The following ATM variants were observed in gnomAD, a reference collection of about 807,000 sequenced individuals.
ATM encodes the protein serine-protein kinase ATM.
ATM carries 308 observed loss-of-function variants against 387.0 expected under a neutral mutation model. The ratio of observed to expected loss-of-function variants is 0.80; its 90% CI spans 0.73 to 0.87. The LOEUF is 0.87. ATM is among the 40% of genes least tolerant of loss of function. ATM has a pLI of 0.00. For synonymous variants in ATM, 1,156 were observed against 1,187.3 expected (o/e 0.97, Z 0.54); for missense variants, 3,312 against 3,560.9 (o/e 0.93, Z 1.78).
chr11:108,249,125 T>C (rs1400362790), intron 9 of ATM, 23 bp downstream of exon 9: 1 of 1,612,662 alleles, frequency 6.2e-7, no homozygotes, highest in Non-Finnish European at 8.5e-7. Context: ...CATTTTCTCA[T>C]TCAGTGTCAT....
At chr11:108,267,744 C>T (rs1318885958) in intron 17 of ATM, among the ~76,000 whole-genome samples, 2 of 152,240 alleles carry the variant, frequency 1.3e-5, no homozygotes, top group Non-Finnish European at 2.9e-5. Context: ...GTAGTCCCAG[C>T]TACTCGGGAG....
In ATM at chr11:108,353,887, G is replaced by A. The variant is rs1555142923; in HGVS notation, c.8786+7G>A. The A allele has an allele frequency of 6.2e-7, 1 of 1,604,906 alleles. No individual in the cohort carries two copies. Among genetic ancestry groups the A allele is most frequent in the Non-Finnish European group, 8.5e-7 (1 of 1,171,726 alleles). ...TTGAAGGTGTCTTCAGAAGGTAAGT[G>A]ATATGAAGTAAAGGAGGGAAATAAT... On this transcript the variant is annotated splice_region_variant and intron_variant, in intron 60 of 62. Transcript: ENST00000675843.
chr11:108,321,820 G>A (rs1045415397), intron 45 of ATM, among the ~76,000 whole-genome samples: 2 of 151,924 alleles, frequency 1.3e-5, no homozygotes. Context: ...GACCAAATGT[G>A]TGTGTTTCTT....
intron 29 of ATM, 53 bp downstream of exon 29, chr11:108,289,854 CT>C: frequency 1.3e-6 from 2 of 1,546,322 alleles, no homozygotes; most frequent in East Asian, 2.3e-5. Context: ...CCTGTTCTTC[CT>C]GTTTTTTTGC....
At chr11:108,331,724 A>G (rs921884489) in intron 51 of ATM, among the ~76,000 whole-genome samples, 155 bp from the exon 52 acceptor site, 5 of 152,082 alleles carry the variant, frequency 3.3e-5, no homozygotes, top group African/African-American at 1.2e-4. Context: ...CTAATTCCTC[A>G]TAGGCCTCTG....
intron 8 of ATM, among the ~76,000 whole-genome samples, chr11:108,248,691 C>G (rs1344751772): frequency 1.3e-5 from 2 of 152,014 alleles, no homozygotes; most frequent in Non-Finnish European, 2.9e-5. Context: ...GAGTTCAAGA[C>G]CAGTCTGACC....
intron 61 of ATM, among the ~76,000 whole-genome samples, chr11:108,361,339 G>A (rs1275012678): frequency 1.3e-5 from 2 of 148,972 alleles, no homozygotes; most frequent in Non-Finnish European, 3.0e-5. Context: ...TCATGGGTAG[G>A]AAGAATCAAT....
intron 32 of ATM, 163 bp downstream of exon 32, chr11:108,295,222 T>G (rs963748520): frequency 4.9e-5 from 42 of 854,542 alleles, no homozygotes; most frequent in Non-Finnish European, 3.9e-5. Context: ...TCCTAACTGG[T>G]CTTCTCACCC....
intron 11 of ATM, among the ~76,000 whole-genome samples, chr11:108,252,466 G>C (rs577315689): frequency 2.2e-4 from 34 of 152,244 alleles, no homozygotes; most frequent in Non-Finnish European, 4.1e-4. Flanking sequence ...GGAGTCCCTC[G>C]TCCACTTAAC....
At chr11:108,239,254 G>C (rs2079443485) in intron 5 of ATM, among the ~76,000 whole-genome samples, 1 of 152,176 alleles carries the variant, frequency 6.6e-6, no homozygotes, top group East Asian at 1.9e-4. Flanking sequence ...GCCCCAAAGA[G>C]GGCCCTCACC....
At chr11:108,314,454 AT>A (rs10716099) in intron 40 of ATM, among the ~76,000 whole-genome samples, 79,288 of 148,376 alleles carry the variant, frequency 0.53, 21,375 homozygotes, top group Middle Eastern at 0.74. Flanking sequence ...TGTTTGTGTG[AT>A]TTTTTTTTTT....
At chr11:108,352,940 T>C (rs979815637) in intron 59 of ATM, among the ~76,000 whole-genome samples, 5 of 152,056 alleles carry the variant, frequency 3.3e-5, no homozygotes, top group Admixed American at 6.6e-5. Flanking sequence ...GGTGATAGGC[T>C]ATGGGAGGGA....
chr11:108,284,133 C>A (rs947112176), intron 25 of ATM, 94 bp from the exon 26 acceptor site: 1 of 930,420 alleles, frequency 1.1e-6, no homozygotes, highest in Non-Finnish European at 1.6e-6. Flanking sequence ...TACTTTAATG[C>A]TGATGGTATT....
intron 4 of ATM, chr11:108,229,924 C>G (rs1170212832): frequency 6.6e-6 from 1 of 152,528 alleles, no homozygotes; most frequent in Non-Finnish European, 1.5e-5. Context: ...CTCAAGCAGT[C>G]CTCCCCCTGC....
chr11:108,232,691 C>T (rs1452719000), intron 4 of ATM, among the ~76,000 whole-genome samples: 36 of 151,312 alleles, frequency 2.4e-4, no homozygotes, highest in East Asian at 5.8e-4. Flanking sequence ...AGGCACACGC[C>T]GCCAGGCCCG....
chr11:108,260,060 A>G lies in ATM; in HGVS notation c.2466+985A>G, dbSNP rs2080769797. Among the ~76,000 whole-genome samples the G allele has an allele frequency of 5.8e-5, 8 of 138,812 alleles. No homozygotes were observed. The Admixed American group carries it at 6.2e-4, about 11-fold the overall frequency. The allele number at this position is 138,812 out of a possible 152,430, so 91.1% of individuals were successfully genotyped here. A position where few individuals can be genotyped will look rare whatever the true frequency, so the allele number is the denominator to read the frequency against. On this transcript the variant is annotated intron_variant, in intron 16 of 62. Transcript: ENST00000675843. ...TTTTTTTTTTTTTTTTTTGAGACAA[A>G]GTCTTGCTCTGTTGCCCGGGCTGGA... is the stretch of plus-strand genomic sequence containing the variant.
intron 8 of ATM, among the ~76,000 whole-genome samples, chr11:108,248,300 A>C (rs1335392197): frequency 1.3e-5 from 2 of 152,178 alleles, no homozygotes; most frequent in Non-Finnish European, 2.9e-5. Flanking sequence ...AATATTTCTT[A>C]AAATTTCTTA....
In ATM at chr11:108,344,979, G is replaced by A. The variant is rs115617687; in HGVS notation, c.8419-764G>A. ...GATCACACCCCTGCACTCCAGTCCA[G>A]GTGACAGAGACCCTGTCACCCTGTC... On this transcript the variant is annotated intron_variant, in intron 57 of 62. Transcript: ENST00000675843. Among the ~76,000 whole-genome samples, 134 of 152,154 alleles carry A rather than the reference G, an allele frequency of 8.8e-4. 1 individual carries two copies. Among genetic ancestry groups the A allele is most frequent in the African/African-American group, 2.9e-3 (120 of 41,522 alleles).
In ATM at chr11:108,310,438, T is replaced by C. The variant is rs55933841; in HGVS notation, c.5918+123T>C. On this transcript the variant is annotated intron_variant, in intron 39 of 62. Coordinates refer to ENST00000675843, the MANE Select transcript of ATM (RefSeq NM_000051.4). ...TAAAAGATATTTTAGATAGAAATTT[T>C]GTTTTAAAGTGAAATTATAATAAAT... 4.2e-4 allele frequency: 390 copies of C among 918,246 alleles called. 2 individuals are homozygous for C. In the African/African-American group the frequency reaches 6.1e-3, roughly 14 times the overall value. The allele number at this position is 918,246 out of a possible 1,614,324, so 56.9% of individuals were successfully genotyped here.
Sources: gnomAD v4.1 joint callset for allele counts (sites outside exome capture counted in the v4.1 genomes callset) on GRCh38, gnomAD v4.1.1 for gene constraint, MANE v1.5 for transcripts, NCBI Gene and HGNC (gene_info 2026-07-23, HGNC 2026-07-21) for gene names.